Variants in TAFA1 observed in about 807,000 individuals in gnomAD.
TAFA1 encodes chemokine-like protein TAFA-1.
TAFA1 carries 4 observed loss-of-function variants against 18.5 expected under a neutral mutation model. The observed-to-expected ratio is 0.22, with a 90% CI of 0.11 to 0.49. The LOEUF is 0.49. Ranked by LOEUF, TAFA1 falls within the 20% of genes least tolerant of loss-of-function variation. The pLI, the probability that TAFA1 is intolerant of heterozygous loss-of-function variation, is 0.98. For synonymous variants in TAFA1, 56 were observed against 55.2 expected (o/e 1.01, Z -0.06); for missense variants, 147 against 169.0 (o/e 0.87, Z 0.72).
chr3:68,397,026 G>A (rs1297381129), intron 2 of TAFA1, among the ~76,000 whole-genome samples: 2 of 152,050 alleles, frequency 1.3e-5, no homozygotes, highest in Non-Finnish European at 2.9e-5. Context: ...CATTTTGTTT[G>A]GAGGAAAAAT....
chr3:68,524,900 C>T (rs1431760021), intron 3 of TAFA1, among the ~76,000 whole-genome samples: 2 of 151,960 alleles, frequency 1.3e-5, no homozygotes, highest in Non-Finnish European at 2.9e-5. Context: ...CTGGATCTCC[C>T]GACCTCGTGA....
chr3:68,374,360 C>T (rs2069768186), intron 2 of TAFA1, among the ~76,000 whole-genome samples: 1 of 152,104 alleles, frequency 6.6e-6, no homozygotes, highest in Admixed American at 6.6e-5. Flanking sequence ...AAGGGCTTGT[C>T]TCTGTAAAGA....
intron 3 of TAFA1, among the ~76,000 whole-genome samples, chr3:68,435,108 T>C (rs2106848356): frequency 6.6e-6 from 1 of 152,174 alleles, no homozygotes; most frequent in South Asian, 2.1e-4. Flanking sequence ...TGTTAAATGA[T>C]GGAAGCAGGA....
intron 2 of TAFA1, among the ~76,000 whole-genome samples, chr3:68,184,640 C>T (rs1238703937): frequency 4.6e-5 from 7 of 152,066 alleles, no homozygotes; most frequent in Non-Finnish European, 1.0e-4. Flanking sequence ...AACACGAAAG[C>T]TCCCATTTGC....
At chr3:68,079,163 T>G (rs1295206059) in intron 2 of TAFA1, among the ~76,000 whole-genome samples, 2 of 152,226 alleles carry the variant, frequency 1.3e-5, no homozygotes, top group Non-Finnish European at 2.9e-5. Flanking sequence ...TGATATCCCC[T>G]TTATCATTTT....
intron 3 of TAFA1, among the ~76,000 whole-genome samples, chr3:68,439,997 C>G (rs570116314): frequency 6.6e-6 from 1 of 152,136 alleles, no homozygotes; most frequent in East Asian, 1.9e-4. Flanking sequence ...ATAAAGTTAA[C>G]AACACTTAAA....
At chr3:68,453,346 G>T (rs1043137025) in intron 3 of TAFA1, among the ~76,000 whole-genome samples, 2 of 152,136 alleles carry the variant, frequency 1.3e-5, no homozygotes, top group Admixed American at 1.3e-4. Flanking sequence ...GACAAAAATG[G>T]TGCATGTTGT....
chr3:68,286,775 A>G (rs1207895437), intron 2 of TAFA1, among the ~76,000 whole-genome samples: 1 of 152,184 alleles, frequency 6.6e-6, no homozygotes, highest in East Asian at 1.9e-4. Context: ...AATAATCAAG[A>G]TACAGAGTAT....
At chr3:68,287,920 G>GGT (rs1559600679) in intron 2 of TAFA1, among the ~76,000 whole-genome samples, 1 of 108,270 alleles carries the variant, frequency 9.2e-6, no homozygotes, top group Non-Finnish European at 2.0e-5. Flanking sequence ...GGGGTGGGGG[G>GGT]GCTTTTTGAA....
chr3:68,132,188 T>C (rs961389293), intron 2 of TAFA1, among the ~76,000 whole-genome samples: 3 of 152,200 alleles, frequency 2.0e-5, no homozygotes, highest in Non-Finnish European at 2.9e-5. Flanking sequence ...GCTTCATCCA[T>C]GTCCCTGCAA....
At chr3:68,272,720 G>A (rs2067699863) in intron 2 of TAFA1, among the ~76,000 whole-genome samples, 1 of 152,152 alleles carries the variant, frequency 6.6e-6, no homozygotes, top group Non-Finnish European at 1.5e-5. Context: ...AAACATTCCT[G>A]TGGGTTTAGT....
At chr3:68,064,802 G>A (rs1485149084) in intron 2 of TAFA1, among the ~76,000 whole-genome samples, 3 of 151,828 alleles carry the variant, frequency 2.0e-5, no homozygotes, top group African/African-American at 7.3e-5. Context: ...GTTGTCTTGT[G>A]TTGTAAATTT....
chr3:68,218,138 A>G (rs1262643636), intron 2 of TAFA1, among the ~76,000 whole-genome samples: 2 of 152,052 alleles, frequency 1.3e-5, no homozygotes, highest in African/African-American at 4.8e-5. Flanking sequence ...GATTAATTCA[A>G]TGTAGAAAAT....
At chr3:68,491,337 C>T (rs966904619) in intron 3 of TAFA1, among the ~76,000 whole-genome samples, 1 of 152,162 alleles carries the variant, frequency 6.6e-6, no homozygotes, top group Non-Finnish European at 1.5e-5. Context: ...GGCACATATA[C>T]ACCATGGAAT....
intron 2 of TAFA1, among the ~76,000 whole-genome samples, chr3:68,153,779 C>T (rs1205097684): frequency 1.3e-5 from 2 of 152,112 alleles, no homozygotes; most frequent in African/African-American, 4.8e-5. Context: ...AATTAGTCAT[C>T]AGAACAATCC....
intron 2 of TAFA1, among the ~76,000 whole-genome samples, chr3:68,382,139 G>A (rs1268626229): frequency 3.3e-5 from 5 of 152,130 alleles, no homozygotes; most frequent in East Asian, 1.9e-4. Context: ...CCACTTGGTC[G>A]TGTTGGATAA....
chr3:68,414,611 G>T (rs1245994945), intron 2 of TAFA1, among the ~76,000 whole-genome samples: 2 of 152,128 alleles, frequency 1.3e-5, no homozygotes, highest in African/African-American at 2.4e-5. Context: ...AATTAATACA[G>T]CATCCAGCAC....
intron 2 of TAFA1, among the ~76,000 whole-genome samples, chr3:68,131,768 G>A: frequency 6.6e-6 from 1 of 152,178 alleles, no homozygotes; most frequent in East Asian, 1.9e-4. Context: ...AGCCTCGCTG[G>A]GAATCCTGGC....
intron 2 of TAFA1, among the ~76,000 whole-genome samples, chr3:68,052,651 T>C (rs1158783621): frequency 6.6e-6 from 1 of 152,218 alleles, no homozygotes; most frequent in Non-Finnish European, 1.5e-5. Flanking sequence ...TTATTTGTTA[T>C]TTCATTTGTT....
Sources: gnomAD v4.1 joint callset for allele counts (sites outside exome capture counted in the v4.1 genomes callset) on GRCh38, gnomAD v4.1.1 for gene constraint, MANE v1.5 for transcripts, NCBI Gene and HGNC (gene_info 2026-07-23, HGNC 2026-07-21) for gene names.